Variants in PTCHD4 observed in about 807,000 individuals in gnomAD.
The protein encoded by PTCHD4 is patched domain-containing protein 4.
PTCHD4 carries 33 observed loss-of-function variants against 58.1 expected under a neutral mutation model. The observed-to-expected ratio is 0.57, with a 90% CI of 0.43 to 0.76. The LOEUF (loss-of-function observed/expected upper bound fraction) is 0.76, where lower values mean the gene tolerates loss of function less well. PTCHD4 is among the 30% of genes least tolerant of loss of function. The pLI is 0.00. For synonymous variants in PTCHD4, 478 were observed against 409.6 expected (o/e 1.17, Z -2.02); for missense variants, 1,058 against 1,027.1 (o/e 1.03, Z -0.41).
chr6:47,888,699 C>T (rs1002853387), intron 4 of PTCHD4, among the ~76,000 whole-genome samples: 4 of 151,410 alleles, frequency 2.6e-5, no homozygotes, highest in African/African-American at 9.7e-5. Context: ...GGTACATGTG[C>T]ACATTGTGCA....
intron 4 of PTCHD4, among the ~76,000 whole-genome samples, chr6:47,883,486 T>C (rs563098546): frequency 1.3e-5 from 2 of 152,190 alleles, no homozygotes; most frequent in African/African-American, 4.8e-5. Flanking sequence ...TTATTTTAAG[T>C]TCCTGCTAAT....
chr6:47,952,825 A>G (rs1221943935), intron 4 of PTCHD4, among the ~76,000 whole-genome samples: 1 of 152,068 alleles, frequency 6.6e-6, no homozygotes, highest in Non-Finnish European at 1.5e-5. Flanking sequence ...AAATCATCTA[A>G]TGATGCATTT....
Position 47,879,119 on chromosome 6 carries a change from C to T in PTCHD4, c.1716G>A (p.Leu572=), listed in dbSNP as rs1220277087. 1 of 1,612,404 alleles carries T rather than the reference C, an allele frequency of 6.2e-7. No homozygotes were observed. The highest frequency in any genetic ancestry group is 8.5e-7 in the Non-Finnish European group (1 of 1,179,666). ...CTGGCTTTTTTAAAAATGAGCTTTG[C>T]AGGACACTGATGAAGTCACTTTTGT... ...ANNKSDFISV[L]QSSFLKKPEF... The change falls in exon 5 of 5, where the codon CTG becomes CTA. Residue 572 remains leucine (L), a synonymous_variant. Coordinates refer to ENST00000339488, the MANE Select transcript of PTCHD4 (RefSeq NM_001384253.1).
chr6:48,109,989 G>C (rs1447118378), intron 1 of PTCHD4, among the ~76,000 whole-genome samples: 2 of 152,090 alleles, frequency 1.3e-5, no homozygotes, highest in African/African-American at 4.8e-5. Flanking sequence ...GGAGAAAAGA[G>C]AGCCCTTGTA....
In PTCHD4 at chr6:47,917,643, G is replaced by A. The variant is rs569831569; in HGVS notation, c.899-37707C>T. ...CAAACTCAAATAAATTGAGACATTC[G>A]CTGGAGAAAAAAGGTCTGAAATCTT... is the stretch of plus-strand genomic sequence containing the variant. On this transcript the variant is annotated intron_variant, in intron 4 of 4. Coordinates refer to ENST00000339488, the MANE Select transcript of PTCHD4 (RefSeq NM_001384253.1). Among the ~76,000 whole-genome samples, 101 of 152,066 alleles carry A rather than the reference G, an allele frequency of 6.6e-4. No homozygotes were observed. The Middle Eastern group carries it at 0.014, about 20-fold the overall frequency.
intron 3 of PTCHD4, among the ~76,000 whole-genome samples, chr6:48,064,922 A>C (rs1764746402): frequency 6.6e-6 from 1 of 152,176 alleles, no homozygotes; most frequent in Non-Finnish European, 1.5e-5. Context: ...ACAGCTTTTG[A>C]AATCGTGTAT....
Position 48,068,241 on chromosome 6 carries a change from G to A in PTCHD4, c.406C>T (p.Leu136=), listed in dbSNP as rs1408896149. The change falls in exon 3 of 5, where the codon CTG becomes TTG. Residue 136 remains leucine (L), a synonymous_variant. Transcript: ENST00000339488. This position sits in a 1 kb window ranked among gnomAD's most constrained non-coding sequence, Gnocchi z 4.2. The part of the protein sequence containing the change: ...EGILQTHRAV[L]EMKDGRNSFI... ...CCCTTGTGGTTCACCTTCATTTCCA[G>A]CACGGCTCGGTGGGTCTGCAGGATC... 1.3e-6 allele frequency: 2 copies of A among 1,570,648 alleles called. No homozygotes were observed. Among genetic ancestry groups the A allele is most frequent in the African/African-American group, 1.4e-5 (1 of 73,476 alleles).
chr6:47,922,493 A>G (rs1765468481), intron 4 of PTCHD4, among the ~76,000 whole-genome samples: 1 of 152,096 alleles, frequency 6.6e-6, no homozygotes. Context: ...TATTATTTAA[A>G]TGGCTGCAGT....
chr6:47,884,600 C>G (rs1162435292), intron 4 of PTCHD4, among the ~76,000 whole-genome samples: 2 of 152,212 alleles, frequency 1.3e-5, no homozygotes, highest in African/African-American at 4.8e-5. Flanking sequence ...TATTATTTCC[C>G]AGTACCCAGT....
chr6:47,953,194 C>T lies in PTCHD4; in HGVS notation c.898+55440G>A, dbSNP rs1349214876. The stretch of plus-strand genomic sequence containing the variant: ...TCCTGAGAGTTTATGACAATTTTGA[C>T]ACTTGTATGCAAAAAAGTGTGACTA... On this transcript the variant is annotated intron_variant, in intron 4 of 4. Coordinates refer to ENST00000339488, the MANE Select transcript of PTCHD4 (RefSeq NM_001384253.1). Among the ~76,000 whole-genome samples the T allele has an allele frequency of 2.6e-5, 4 of 151,868 alleles. No individual in the cohort carries two copies. In the South Asian group the frequency reaches 8.3e-4, roughly 31 times the overall value.
At chr6:47,960,293 A>G (rs1767030750) in intron 4 of PTCHD4, among the ~76,000 whole-genome samples, 2 of 152,154 alleles carry the variant, frequency 1.3e-5, no homozygotes, top group African/African-American at 4.8e-5. Context: ...GAAAAGATGA[A>G]AAAGGGAACA....
chr6:47,952,268 AGCTGT>A (rs1378127604), intron 4 of PTCHD4, among the ~76,000 whole-genome samples: 1 of 152,098 alleles, frequency 6.6e-6, no homozygotes, highest in Non-Finnish European at 1.5e-5. Flanking sequence ...TTGTCTCTTG[AGCTGT>A]GCTGCTGCAA....
At chr6:48,026,289 G>A (rs1763243793) in intron 3 of PTCHD4, among the ~76,000 whole-genome samples, 1 of 152,040 alleles carries the variant, frequency 6.6e-6, no homozygotes, top group African/African-American at 2.4e-5. Flanking sequence ...ATTTGATACT[G>A]GCTTCCTCAT....
At chr6:47,883,789 A>G (rs899002294) in intron 4 of PTCHD4, among the ~76,000 whole-genome samples, 4 of 152,200 alleles carry the variant, frequency 2.6e-5, no homozygotes, top group Non-Finnish European at 4.4e-5. Flanking sequence ...CCCCACAGTT[A>G]TAACAACCAA....
intron 3 of PTCHD4, among the ~76,000 whole-genome samples, chr6:48,030,450 T>A (rs1447390494): frequency 6.6e-6 from 1 of 152,122 alleles, no homozygotes; most frequent in Non-Finnish European, 1.5e-5. Context: ...AACATTCTAA[T>A]TTTTATCCTA....
intron 4 of PTCHD4, among the ~76,000 whole-genome samples, chr6:47,983,573 G>C (rs1001416415): frequency 3.9e-5 from 6 of 152,060 alleles, no homozygotes; most frequent in Non-Finnish European, 8.8e-5. Context: ...GTTTTTTATA[G>C]TGCAACCATA....
intron 4 of PTCHD4, among the ~76,000 whole-genome samples, chr6:47,928,165 A>G (rs1458332014): frequency 6.6e-6 from 1 of 152,160 alleles, no homozygotes; most frequent in Non-Finnish European, 1.5e-5. Flanking sequence ...ACCTCCTTGA[A>G]GATTTCTAGT....
At chr6:47,992,658 G>A (rs1768324796) in intron 4 of PTCHD4, among the ~76,000 whole-genome samples, 1 of 151,956 alleles carries the variant, frequency 6.6e-6, no homozygotes, top group African/African-American at 2.4e-5. Context: ...TGATATCTCT[G>A]TATATATATA....
chr6:48,069,381 G>A lies in PTCHD4; in HGVS notation c.-424C>T, dbSNP rs1295522759. ...GGGGCATGGAGGGAGACAGCCCCAG[G>A]GCTCCAGGAGACAGCCTTCTCGCCC... On this transcript the variant is annotated 5_prime_UTR_variant, in exon 2 of 5. Transcript: ENST00000339488. Among the ~76,000 whole-genome samples, 2 of 152,122 alleles carry A rather than the reference G, an allele frequency of 1.3e-5. No individual in the cohort carries two copies. Among genetic ancestry groups the A allele is most frequent in the Admixed American group, 6.5e-5 (1 of 15,280 alleles).
Sources: allele counts gnomAD v4.1 joint callset (sites outside exome capture counted in the v4.1 genomes callset), GRCh38; gene constraint gnomAD v4.1.1; non-coding constraint Gnocchi (gnomAD v3.1); transcripts MANE v1.5; gene names NCBI Gene and HGNC (gene_info 2026-07-23, HGNC 2026-07-21).